Variants in EFNA5 observed in about 807,000 individuals in gnomAD.
The protein encoded by EFNA5 is ephrin A5.
In EFNA5, 5 loss-of-function variants were observed where a neutral mutation model predicts 22.9. The ratio of observed to expected loss-of-function variants is 0.22; its 90% CI spans 0.11 to 0.46. EFNA5 has a LOEUF of 0.46. Ranked by LOEUF, EFNA5 falls within the 20% of genes least tolerant of loss-of-function variation. EFNA5 has a pLI of 0.99. For synonymous variants in EFNA5, 113 were observed against 112.2 expected, an observed-to-expected ratio of 1.01 and a Z score of -0.04; for missense variants, 237 against 293.3, an observed-to-expected ratio of 0.81 and a Z score of 1.40.
At chr5:107,406,010 A>G (rs868434996) in intron 2 of EFNA5, among the ~76,000 whole-genome samples, 68 of 87,858 alleles carry the variant, frequency 7.7e-4, no homozygotes, top group African/African-American at 2.5e-3. Context: ...CTATGTATTT[A>G]TATACATAGA....
intron 1 of EFNA5, among the ~76,000 whole-genome samples, chr5:107,642,949 AACTAAT>A (rs1293347638): frequency 2.0e-5 from 3 of 151,874 alleles, no homozygotes; most frequent in African/African-American, 7.3e-5. Context: ...AAAAAAAAAA[AACTAAT>A]CTAGACGATC....
At chr5:107,459,146 C>A (rs1319000143) in intron 1 of EFNA5, among the ~76,000 whole-genome samples, 1 of 152,026 alleles carries the variant, frequency 6.6e-6, no homozygotes, top group Non-Finnish European at 1.5e-5. Context: ...GTAATCCCAG[C>A]ACTTTGAGAG....
intron 2 of EFNA5, among the ~76,000 whole-genome samples, chr5:107,392,840 T>C (rs777113155): frequency 6.6e-6 from 1 of 152,244 alleles, no homozygotes; most frequent in Non-Finnish European, 1.5e-5. Flanking sequence ...CTGGATCCCT[T>C]ACTAGTTTAC....
In EFNA5 at chr5:107,663,163, C is replaced by T. The variant is rs111835887; in HGVS notation, c.125+7326G>A. Among the ~76,000 whole-genome samples, 747 of 152,080 alleles carry T rather than the reference C, an allele frequency of 4.9e-3. 10 individuals are homozygous for T. The highest frequency in any genetic ancestry group is 0.017 in the African/African-American group (692 of 41,512). ...CTTTTCTATCGTCCATATTCATTTC[C>T]GAACCAATTTCACGAAAGAAATAAA... On this transcript the variant is annotated intron_variant, in intron 1 of 4. Coordinates refer to ENST00000333274, the MANE Select transcript of EFNA5 (RefSeq NM_001962.3).
chr5:107,639,081 C>G (rs1388701168), intron 1 of EFNA5, among the ~76,000 whole-genome samples: 3 of 152,152 alleles, frequency 2.0e-5, no homozygotes, highest in Non-Finnish European at 4.4e-5. Context: ...GTTATAAAAG[C>G]GTTTCATTTA....
intron 1 of EFNA5, among the ~76,000 whole-genome samples, chr5:107,556,458 TATCTC>T (rs1168911011): frequency 2.6e-5 from 4 of 152,144 alleles, no homozygotes; most frequent in Non-Finnish European, 5.9e-5. Context: ...AATAAATAAA[TATCTC>T]AGCCTGGTGT....
intron 2 of EFNA5, among the ~76,000 whole-genome samples, chr5:107,403,439 T>G (rs1322807568): frequency 6.6e-6 from 1 of 152,202 alleles, no homozygotes; most frequent in Non-Finnish European, 1.5e-5. Context: ...TTGAAAGAAT[T>G]TAGATGTCTC....
intron 1 of EFNA5, among the ~76,000 whole-genome samples, chr5:107,431,149 C>G (rs767171042): frequency 2.6e-5 from 4 of 152,172 alleles, no homozygotes; most frequent in Non-Finnish European, 4.4e-5. Context: ...TCAATTTACA[C>G]TTTTGTTTCA....
chr5:107,463,350 GT>G (rs1474912786), intron 1 of EFNA5, among the ~76,000 whole-genome samples: 2 of 151,894 alleles, frequency 1.3e-5, no homozygotes, highest in African/African-American at 4.8e-5. Flanking sequence ...TATAAATAAA[GT>G]TCACTTTCAT....
intron 1 of EFNA5, among the ~76,000 whole-genome samples, chr5:107,668,335 T>C (rs1020032730): frequency 6.6e-6 from 1 of 152,236 alleles, no homozygotes; most frequent in Non-Finnish European, 1.5e-5. Context: ...AAGAGTTTTC[T>C]GCAGGCAGGG....
At chr5:107,382,017 C>T (rs1257024289) in intron 4 of EFNA5, among the ~76,000 whole-genome samples, 1 of 152,188 alleles carries the variant, frequency 6.6e-6, no homozygotes, top group Non-Finnish European at 1.5e-5. Context: ...CTATTACAAA[C>T]CCTGTATTTC....
chr5:107,669,658 C>G (rs962125577), intron 1 of EFNA5, among the ~76,000 whole-genome samples: 1 of 152,154 alleles, frequency 6.6e-6, no homozygotes, highest in Non-Finnish European at 1.5e-5. Context: ...GGCTTCGGGA[C>G]GCCTACAAAT....
At chr5:107,526,428 A>G (rs1747697211) in intron 1 of EFNA5, among the ~76,000 whole-genome samples, 1 of 152,210 alleles carries the variant, frequency 6.6e-6, no homozygotes, top group African/African-American at 2.4e-5. Flanking sequence ...TGGGCCATAC[A>G]TGTGGTCTCT....
chr5:107,521,476 A>ATATT (rs1491248327), intron 1 of EFNA5, among the ~76,000 whole-genome samples: 31 of 58,346 alleles, frequency 5.3e-4, no homozygotes, highest in South Asian at 1.1e-3. Flanking sequence ...ATATATATAT[A>ATATT]TTTTTTTTTT....
At chr5:107,549,414 T>G (rs145343126) in intron 1 of EFNA5, among the ~76,000 whole-genome samples, 8 of 152,368 alleles carry the variant, frequency 5.3e-5, no homozygotes, top group Non-Finnish European at 1.2e-4. Flanking sequence ...ATCCTCATTT[T>G]ACAGGTAAGG....
Position 107,380,820 on chromosome 5 carries a change from G to A in EFNA5, c.*435C>T, listed in dbSNP as rs576602820. ...TTCTGAATGAGAAGGCATAAATATT[G>A]CATAGGAGAGCAAAACCCTCCCAGC... On this transcript the variant is annotated 3_prime_UTR_variant, in exon 5 of 5. Coordinates refer to ENST00000333274, the MANE Select transcript of EFNA5 (RefSeq NM_001962.3). The A allele has an allele frequency of 4.9e-6, 2 of 408,064 alleles. No homozygotes were observed. The highest frequency in any genetic ancestry group is 1.1e-4 in the South Asian group (1 of 8,784). 25.3% of individuals were successfully genotyped at this position (408,064 alleles called of 1,614,324 possible).
chr5:107,635,391 C>T (rs890937540), intron 1 of EFNA5, among the ~76,000 whole-genome samples: 10 of 152,176 alleles, frequency 6.6e-5, no homozygotes, highest in African/African-American at 2.2e-4. Flanking sequence ...AATGTCAAAC[C>T]ACCACGAATG....
At chr5:107,547,171 T>C (rs889355803) in intron 1 of EFNA5, among the ~76,000 whole-genome samples, 4 of 152,222 alleles carry the variant, frequency 2.6e-5, no homozygotes, top group Non-Finnish European at 4.4e-5. Context: ...ATGGATACAC[T>C]GTACCATTGG....
chr5:107,558,137 A>G (rs912617717), intron 1 of EFNA5, among the ~76,000 whole-genome samples: 2 of 152,124 alleles, frequency 1.3e-5, no homozygotes, highest in Admixed American at 1.3e-4. Flanking sequence ...AAGAAAAAAA[A>G]TCTGAGCCCC....
Sources: gnomAD v4.1 joint callset for allele counts (sites outside exome capture counted in the v4.1 genomes callset) on GRCh38, gnomAD v4.1.1 for gene constraint, MANE v1.5 for transcripts, NCBI Gene and HGNC (gene_info 2026-07-23, HGNC 2026-07-21) for gene names.